The following ELOVL2 variants were observed in gnomAD, a reference collection of about 807,000 sequenced individuals.
The protein encoded by ELOVL2 is very long chain fatty acid elongase 2.
Under a neutral mutation model 37.7 loss-of-function variants are expected in ELOVL2, and 38 were observed. The observed-to-expected ratio is 1.01, with a 90% CI of 0.78 to 1.32. The LOEUF is 1.32. Ranked by LOEUF, ELOVL2 falls within the 40% of genes most tolerant of loss-of-function variation. The pLI is 0.00. For missense variants in ELOVL2, 352 were observed against 363.6 expected (o/e 0.97, Z 0.26); for synonymous variants, 115 against 122.3 (o/e 0.94, Z 0.40).
At position 11,005,140 on chromosome 6, in the gene ELOVL2, T is replaced by C. The variant is rs188673150; in HGVS notation, c.255+232A>G. ...TGCCATTGCCCTCCAGGCTGGATGA[T>C]AGAGCGAGACTCCATCTCAAAAAAA... On this transcript the variant is annotated intron_variant, in intron 3 of 7. Transcript: ENST00000354666. Among the ~76,000 whole-genome samples the C allele has an allele frequency of 2.1e-4, 32 of 151,622 alleles. No homozygotes were observed. The East Asian group carries it at 4.1e-3, about 19-fold the overall frequency.
chr6:11,000,878 G>A (rs1379604379), intron 3 of ELOVL2, among the ~76,000 whole-genome samples: 3 of 152,218 alleles, frequency 2.0e-5, no homozygotes, highest in Non-Finnish European at 4.4e-5. Context: ...GTGGTAGAAG[G>A]ATGATTAGAA....
intron 3 of ELOVL2, among the ~76,000 whole-genome samples, chr6:11,002,277 G>A (rs1484104191): frequency 6.6e-6 from 1 of 152,170 alleles, no homozygotes; most frequent in African/African-American, 2.4e-5. Flanking sequence ...TTCTTACAGG[G>A]CAAAGGTTGT....
Position 10,990,270 on chromosome 6 carries a change from C to T in ELOVL2, c.630+48G>A, listed in dbSNP as rs577263940. The T allele has an allele frequency of 6.3e-6, 10 of 1,587,792 alleles. 1 individual carries two copies. In the Admixed American group the frequency reaches 1.3e-4, roughly 21 times the overall value. On this transcript the variant is annotated intron_variant, in intron 6 of 7. Transcript: ENST00000354666. ...ACTTCTAAGATTTCTATTTCCTTTC[C>T]CCATCCATAAGCCACATGGAGAAAA... is the stretch of plus-strand genomic sequence containing the variant.
chr6:11,042,340 C>A (rs2113573656), intron 1 of ELOVL2, among the ~76,000 whole-genome samples: 2 of 152,040 alleles, frequency 1.3e-5, no homozygotes, highest in East Asian at 3.9e-4. Flanking sequence ...AAAAGTAATA[C>A]AATTTGGATT....
At chr6:11,004,416 C>CT (rs74352598) in intron 3 of ELOVL2, among the ~76,000 whole-genome samples, 1,710 of 141,926 alleles carry the variant, frequency 0.012, 7 homozygotes, top group Non-Finnish European at 0.017. Context: ...CTTTGTCCCT[C>CT]TTTTTTTTTT....
rs752445581 is a variant in ELOVL2, at chr6:11,000,088, C to T, written c.332G>A (p.Arg111Gln). 1.2e-5 allele frequency: 19 copies of T among 1,613,884 alleles called. No homozygotes were observed. In the East Asian group the frequency reaches 2.0e-4, roughly 17 times the overall value. Residue 111 changes from arginine (R) to glutamine (Q), a missense_variant and splice_region_variant, in exon 4 of 8, where the codon CGG (arginine) becomes CAG (glutamine). Coordinates refer to ENST00000354666, the MANE Select transcript of ELOVL2 (RefSeq NM_017770.4). ...DLTSAGEADI[R>Q]VAKVLWWYYF... ...GTTGATTTGCTTCTAGTGGCTCACC[C>T]GGATGTCAGCTTCCCCTGCGCTGGT...
rs966813876 is a variant in ELOVL2 at position 11,005,619 on chromosome 6, T to C, written c.68-60A>G. The C allele has an allele frequency of 9.5e-6, 13 of 1,373,990 alleles. No individual in the cohort carries two copies. In the African/African-American group the frequency reaches 1.9e-4, roughly 20 times the overall value. The allele number at this position is 1,373,990 out of a possible 1,614,324, so 85.1% of individuals were successfully genotyped here. On this transcript the variant is annotated intron_variant, in intron 2 of 7. Coordinates refer to ENST00000354666, the MANE Select transcript of ELOVL2 (RefSeq NM_017770.4). The stretch of plus-strand genomic sequence containing the variant: ...AATGATGCTCCTGTTTAGTCATCAG[T>C]ATTGTCACATACATTGCATTTGTAC...
chr6:11,040,384 G>T (rs529883277), intron 1 of ELOVL2, among the ~76,000 whole-genome samples: 1 of 151,978 alleles, frequency 6.6e-6, no homozygotes, highest in African/African-American at 2.4e-5. Context: ...GCTGAAATAC[G>T]GCTAGCCTGA....
intron 1 of ELOVL2, among the ~76,000 whole-genome samples, chr6:11,042,194 T>C (rs1400628754): frequency 2.0e-5 from 3 of 152,048 alleles, no homozygotes; most frequent in Non-Finnish European, 4.4e-5. Context: ...GCGCCTGTAA[T>C]CCCAGCTACT....
chr6:10,992,529 G>A (rs369003022), intron 5 of ELOVL2, among the ~76,000 whole-genome samples: 3 of 152,154 alleles, frequency 2.0e-5, no homozygotes, highest in Admixed American at 6.5e-5. Flanking sequence ...GGTGGCTCAC[G>A]CCTGTAATCC....
chr6:11,025,098 C>T (rs1249610569), intron 1 of ELOVL2, among the ~76,000 whole-genome samples: 1 of 152,144 alleles, frequency 6.6e-6, no homozygotes, highest in Admixed American at 6.5e-5. Context: ...ACGGCGTAAT[C>T]TCATAAATTC....
chr6:11,021,509 T>C (rs1782765258), intron 1 of ELOVL2, among the ~76,000 whole-genome samples: 1 of 151,924 alleles, frequency 6.6e-6, no homozygotes, highest in African/African-American at 2.4e-5. Flanking sequence ...TAATATATAT[T>C]TGGCAAGTAA....
At chr6:10,998,819 T>C (rs1304562520) in intron 4 of ELOVL2, among the ~76,000 whole-genome samples, 1 of 152,224 alleles carries the variant, frequency 6.6e-6, no homozygotes, top group Admixed American at 6.5e-5. Flanking sequence ...TTGTACTGGG[T>C]TGTCATAGAC....
chr6:10,999,199 T>C (rs904895484), intron 4 of ELOVL2, among the ~76,000 whole-genome samples: 4 of 152,202 alleles, frequency 2.6e-5, no homozygotes, highest in African/African-American at 9.6e-5. Flanking sequence ...TATTCATTTA[T>C]TTAAGTTTGT....
At chr6:11,018,501 T>C (rs866268949) in intron 1 of ELOVL2, among the ~76,000 whole-genome samples, 1 of 152,220 alleles carries the variant, frequency 6.6e-6, no homozygotes, top group Admixed American at 6.5e-5. Flanking sequence ...AAAGCTTTCA[T>C]TGAACACAGT....
chr6:11,039,002 A>G (rs1783058873), intron 1 of ELOVL2, among the ~76,000 whole-genome samples: 1 of 152,208 alleles, frequency 6.6e-6, no homozygotes. Flanking sequence ...GGTGTGTGAC[A>G]TATGGTAAGG....
intron 4 of ELOVL2, among the ~76,000 whole-genome samples, chr6:10,995,883 T>C (rs1782259502): frequency 6.6e-6 from 1 of 152,230 alleles, no homozygotes; most frequent in Non-Finnish European, 1.5e-5. Flanking sequence ...AAATTATAAC[T>C]TTCCTCTGCT....
intron 4 of ELOVL2, among the ~76,000 whole-genome samples, 200 bp downstream of exon 4, chr6:10,999,887 G>A (rs1046129341): frequency 1.3e-5 from 2 of 152,156 alleles, no homozygotes; most frequent in African/African-American, 2.4e-5. Context: ...CATCTGCTAC[G>A]TGGATGTGCT....
intron 7 of ELOVL2, among the ~76,000 whole-genome samples, chr6:10,988,506 T>C (rs1446231746): frequency 6.6e-6 from 1 of 152,150 alleles, no homozygotes; most frequent in Admixed American, 6.5e-5. Flanking sequence ...AGAGGTTGTG[T>C]TGAGCCGAGA....
Sources: gnomAD v4.1 joint callset for allele counts (sites outside exome capture counted in the v4.1 genomes callset) on GRCh38, gnomAD v4.1.1 for gene constraint, MANE v1.5 for transcripts, NCBI Gene and HGNC (gene_info 2026-07-23, HGNC 2026-07-21) for gene names.